The following CNBD1 variants were observed in gnomAD, a reference collection of about 807,000 sequenced individuals.
CNBD1 encodes cyclic nucleotide-binding domain-containing protein 1.
CNBD1 carries 71 observed loss-of-function variants against 54.4 expected under a neutral mutation model. The observed-to-expected ratio is 1.30, with a 90% CI of 1.08 to 1.59. The LOEUF (loss-of-function observed/expected upper bound fraction) is 1.59, where lower values mean the gene tolerates loss of function less well. Ranked by LOEUF, CNBD1 falls within the 40% of genes most tolerant of loss-of-function variation. The probability of loss-of-function intolerance (pLI) is 0.00; values close to 1 mark genes in which losing one functional copy is unlikely to be tolerated. For missense variants in CNBD1, 659 were observed against 518.0 expected, an observed-to-expected ratio of 1.27 and a Z score of -2.64; for synonymous variants, 182 against 170.7, an observed-to-expected ratio of 1.07 and a Z score of -0.51.
intron 4 of CNBD1, among the ~76,000 whole-genome samples, chr8:87,156,466 A>AC (rs1812744831): frequency 1.3e-5 from 2 of 149,244 alleles, no homozygotes; most frequent in African/African-American, 5.1e-5. Context: ...GCTGGTCTCA[A>AC]CCCCTGACCT....
intron 4 of CNBD1, among the ~76,000 whole-genome samples, chr8:87,055,722 T>C (rs1378114039): frequency 1.3e-5 from 2 of 151,910 alleles, no homozygotes; most frequent in Non-Finnish European, 2.9e-5. Flanking sequence ...CTTCCTTCCT[T>C]CTTTTTTCTT....
intron 1 of CNBD1, among the ~76,000 whole-genome samples, chr8:86,871,034 T>C (rs918131345): frequency 2.0e-5 from 3 of 152,238 alleles, no homozygotes; most frequent in Non-Finnish European, 4.4e-5. Flanking sequence ...ATGGATGTTT[T>C]ATTGTAAAGC....
chr8:87,380,174 G>T (rs546685190), intron 10 of CNBD1, among the ~76,000 whole-genome samples: 5 of 151,820 alleles, frequency 3.3e-5, no homozygotes, highest in Admixed American at 1.3e-4. Context: ...TTAATAATTT[G>T]TGCTAATATT....
chr8:87,369,879 C>A (rs947131569), intron 10 of CNBD1, among the ~76,000 whole-genome samples: 1 of 151,892 alleles, frequency 6.6e-6, no homozygotes, highest in Admixed American at 6.6e-5. Flanking sequence ...CCTCCCCACT[C>A]CCCCGACCCC....
intron 4 of CNBD1, among the ~76,000 whole-genome samples, chr8:86,963,232 T>A (rs923169193): frequency 6.6e-6 from 1 of 152,158 alleles, no homozygotes; most frequent in Admixed American, 6.5e-5. Context: ...GGCATGCACC[T>A]GAGCAGAGCC....
intron 4 of CNBD1, among the ~76,000 whole-genome samples, chr8:86,990,776 T>G (rs7460789): frequency 0.73 from 110,859 of 152,050 alleles, 41,875 homozygotes; most frequent in East Asian, 0.95. Context: ...ATAGATTGCT[T>G]TAGGTAGTGT....
chr8:87,070,011 T>C (rs143354891), intron 4 of CNBD1, among the ~76,000 whole-genome samples: 138 of 152,172 alleles, frequency 9.1e-4, no homozygotes, highest in Middle Eastern at 3.4e-3. Context: ...TCATCTGGTG[T>C]CTAAACAAAT....
At chr8:87,124,335 A>C (rs146594298) in intron 4 of CNBD1, among the ~76,000 whole-genome samples, 58 of 151,818 alleles carry the variant, frequency 3.8e-4, no homozygotes, top group African/African-American at 1.3e-3. Flanking sequence ...AATCTTAATA[A>C]ATTTAAGAAG....
chr8:87,045,913 C>G (rs931095172), intron 4 of CNBD1, among the ~76,000 whole-genome samples: 1 of 151,256 alleles, frequency 6.6e-6, no homozygotes, highest in East Asian at 2.0e-4. Context: ...TGGTGGCGCA[C>G]GCCTGTAGTC....
At chr8:87,425,926 T>C (rs1205589656) in intron 2 of CNBD1, among the ~76,000 whole-genome samples, 10 of 152,134 alleles carry the variant, frequency 6.6e-5, no homozygotes, top group African/African-American at 1.2e-4. Flanking sequence ...GCCTCACTGC[T>C]GCCTTGCAGT....
intron 2 of CNBD1, among the ~76,000 whole-genome samples, chr8:87,388,765 T>G (rs182356170): frequency 4.0e-4 from 61 of 152,246 alleles, no homozygotes; most frequent in African/African-American, 1.4e-3. Flanking sequence ...GCCTACATTA[T>G]CCTGATACCA....
chr8:86,938,802 G>A (rs1586148629), intron 3 of CNBD1, among the ~76,000 whole-genome samples: 3 of 152,126 alleles, frequency 2.0e-5, no homozygotes, highest in Admixed American at 6.5e-5. Flanking sequence ...TGCATATAAG[G>A]TTACCAGAGT....
chr8:87,122,328 A>G (rs1811906541), intron 4 of CNBD1, among the ~76,000 whole-genome samples: 1 of 151,800 alleles, frequency 6.6e-6, no homozygotes, highest in Non-Finnish European at 1.5e-5. Context: ...TTTTTCATGC[A>G]TCTGGTGGAA....
chr8:87,261,602 C>T (rs765856969), intron 6 of CNBD1, among the ~76,000 whole-genome samples: 5 of 150,670 alleles, frequency 3.3e-5, no homozygotes, highest in Non-Finnish European at 7.4e-5. Context: ...GGATTGGTTA[C>T]GGGTTGGCAT....
At chr8:87,160,204 A>G (rs1337737330) in intron 4 of CNBD1, among the ~76,000 whole-genome samples, 1 of 151,872 alleles carries the variant, frequency 6.6e-6, no homozygotes, top group Non-Finnish European at 1.5e-5. Context: ...AATGCAACTT[A>G]TAAGAACAAA....
chr8:87,238,615 C>A (rs1807630055), intron 6 of CNBD1, among the ~76,000 whole-genome samples: 1 of 152,008 alleles, frequency 6.6e-6, no homozygotes, highest in South Asian at 2.1e-4. Flanking sequence ...AGCAGAGCTC[C>A]AGAGAAGATA....
chr8:87,123,880 T>A (rs1811940609), intron 4 of CNBD1, among the ~76,000 whole-genome samples: 1 of 151,600 alleles, frequency 6.6e-6, no homozygotes, highest in Non-Finnish European at 1.5e-5. Context: ...AATTGGATAA[T>A]CTAGAAGAAA....
intron 4 of CNBD1, among the ~76,000 whole-genome samples, chr8:87,050,567 C>A (rs1012590062): frequency 6.6e-6 from 1 of 152,180 alleles, no homozygotes; most frequent in Admixed American, 6.5e-5. Context: ...GTTAGTTGGG[C>A]AGTCTGGCCA....
intron 4 of CNBD1, among the ~76,000 whole-genome samples, chr8:87,057,522 G>C (rs1380454548): frequency 6.6e-6 from 1 of 152,120 alleles, no homozygotes; most frequent in Non-Finnish European, 1.5e-5. Context: ...TTCTGCCCCT[G>C]GCCCCTTCCA....
Sources: gnomAD v4.1 joint callset for allele counts (sites outside exome capture counted in the v4.1 genomes callset) on GRCh38, gnomAD v4.1.1 for gene constraint, MANE v1.5 for transcripts, NCBI Gene and HGNC (gene_info 2026-07-23, HGNC 2026-07-21) for gene names.